The following SLC8B1 variants were observed in gnomAD, a reference collection of about 807,000 sequenced individuals.
SLC8B1 encodes the protein mitochondrial sodium/calcium exchanger protein.
In SLC8B1, 52 loss-of-function variants were observed where a neutral mutation model predicts 63.4. The ratio of observed to expected loss-of-function variants is 0.82; its 90% CI spans 0.66 to 1.03. The LOEUF is 1.03. Ranked by LOEUF, SLC8B1 falls within the 50% of genes least tolerant of loss-of-function variation. The pLI, the probability that SLC8B1 is intolerant of heterozygous loss-of-function variation, is 0.00. For synonymous variants in SLC8B1, 336 were observed against 323.9 expected (o/e 1.04, Z -0.40); for missense variants, 657 against 741.7 (o/e 0.89, Z 1.33).
chr12:113,311,353 G>A (rs1162536868), intron 11 of SLC8B1, among the ~76,000 whole-genome samples: 2 of 152,154 alleles, frequency 1.3e-5, no homozygotes, highest in African/African-American at 4.8e-5. Context: ...AGGAGGCTAA[G>A]GCAGGAGAAT....
rs1203811950 is a variant in SLC8B1 at position 113,299,368 on chromosome 12, G to A, written c.*409C>T. 4 of 228,744 alleles carry A rather than the reference G, an allele frequency of 1.7e-5. No homozygotes were observed. The South Asian group carries it at 2.7e-4, about 16-fold the overall frequency. The allele number at this position is 228,744 out of a possible 1,614,324, so 14.2% of individuals were successfully genotyped here. ...GGGCAGCCACTTGTGTCCTGAGAAG[G>A]TGCCAGAAGGCCTGAAGCCCAGGCA... is the stretch of plus-strand genomic sequence containing the variant. On this transcript the variant is annotated 3_prime_UTR_variant, in exon 16 of 16. Coordinates refer to ENST00000680972, the MANE Select transcript of SLC8B1 (RefSeq NM_001358345.2).
chr12:113,332,970 G>A lies in SLC8B1; in HGVS notation c.-82-10C>T. ...TGGCGGCTCCGGTGGCCTGCAAGGT[G>A]GGAGTGAGAAAGGGGGACAACATTA... On this transcript the variant is annotated splice_polypyrimidine_tract_variant and intron_variant, in intron 1 of 15. Transcript: ENST00000680972. 6.7e-7 allele frequency: 1 copy of A among 1,500,164 alleles called. No individual in the cohort carries two copies. The allele number at this position is 1,500,164 out of a possible 1,614,324, so 92.9% of individuals were successfully genotyped here.
rs1438089867 is a variant in SLC8B1, at chr12:113,299,812, T to C, written c.1720A>G (p.Thr574Ala). The change falls in exon 16 of 16, where the codon ACT (threonine) becomes GCT (alanine). Residue 574 changes from threonine to alanine, a missense_variant. Thr to Ala is a moderately conservative substitution (Grantham distance 58). Coordinates refer to ENST00000680972, the MANE Select transcript of SLC8B1 (RefSeq NM_001358345.2). ...YLNFLVVALL[T>A]EFGVIHLKSM The stretch of plus-strand genomic sequence containing the variant: ...TTCAGGTGAATCACTCCAAATTCAG[T>C]GAGGAGGGCCACGACAAGGAAGTTC... 1 of 1,613,858 alleles carries C rather than the reference T, an allele frequency of 6.2e-7. No individual in the cohort carries two copies. The highest frequency in any genetic ancestry group is 1.3e-5 in the African/African-American group (1 of 74,850).
intron 11 of SLC8B1, among the ~76,000 whole-genome samples, chr12:113,312,512 G>A (rs1329553691): frequency 6.6e-6 from 1 of 152,124 alleles, no homozygotes; most frequent in Non-Finnish European, 1.5e-5. Flanking sequence ...GGCTCTTGGG[G>A]GACGCCTAGA....
intron 2 of SLC8B1, among the ~76,000 whole-genome samples, chr12:113,324,401 C>A (rs1956970870): frequency 6.8e-6 from 1 of 148,074 alleles, no homozygotes; most frequent in Non-Finnish European, 1.5e-5. Context: ...CTCAGCTCTA[C>A]CTTTTTTTTT....
chr12:113,329,970 A>C (rs185842740), intron 2 of SLC8B1, among the ~76,000 whole-genome samples: 1 of 152,202 alleles, frequency 6.6e-6, no homozygotes, highest in Admixed American at 6.5e-5. Context: ...CTCCTGCCCC[A>C]GGGCCTTTGC....
chr12:113,320,638 C>T lies in SLC8B1; in HGVS notation c.469G>A (p.Ala157Thr). Residue 157 changes from alanine to threonine, a missense_variant, in exon 6 of 16, where the codon GCC becomes ACC. Physicochemically the swap from Ala to Thr is moderately conservative, Grantham distance 58. Transcript: ENST00000680972. This position sits in a 1 kb window ranked among gnomAD's most constrained non-coding sequence, Gnocchi z 5.3. ...TGCGGGTCAGAGAAGGCCACCAGGG[C>T]ACTGAAGATGTCAGGTGCACCATTC... The part of the protein sequence containing the change: ...FGNGAPDIFS[A>T]LVAFSDPHTA... The T allele has an allele frequency of 6.2e-7, 1 of 1,614,112 alleles. No individual in the cohort carries two copies. The highest frequency in any genetic ancestry group is 1.1e-5 in the South Asian group (1 of 91,088).
intron 12 of SLC8B1, 88 bp from the exon 13 acceptor site, chr12:113,307,932 C>G: frequency 6.8e-7 from 1 of 1,469,050 alleles, no homozygotes; most frequent in East Asian, 2.3e-5. Context: ...GGGATGATAA[C>G]AGTATCTACC....
intron 7 of SLC8B1, chr12:113,319,303 C>A: frequency 2.1e-6 from 1 of 470,464 alleles, no homozygotes; most frequent in Non-Finnish European, 3.9e-6. Flanking sequence ...CCAAGCACAG[C>A]GAGAGACCTC....
chr12:113,315,438 G>A lies in SLC8B1; in HGVS notation c.1032C>T (p.Val344=), dbSNP rs142442514. The A allele has an allele frequency of 5.4e-5, 87 of 1,602,486 alleles. No homozygotes were observed. The highest frequency in any genetic ancestry group is 6.7e-5 in the Non-Finnish European group (79 of 1,175,276). ...TCTGGTCATCCTTGTCCGGGTCCAC[G>A]ACGGGGACTGTGAGGAGCAGCAGGA... ...VEFLLLLTVP[V]VDPDKDDQNW... is the part of the protein sequence containing the mutation. Residue 344 remains valine (V), a synonymous_variant, in exon 11 of 16, where the codon GTC becomes GTT. Coordinates refer to ENST00000680972, the MANE Select transcript of SLC8B1 (RefSeq NM_001358345.2).
chr12:113,320,560 C>G lies in SLC8B1; in HGVS notation c.526+21G>C, dbSNP rs779944692. ...CCTCTCCTGCTGCTTTCCCCGCCCC[C>G]CTCACTGGGGCTGCTCTCACCAAAC... On this transcript the variant is annotated intron_variant, in intron 6 of 15. Transcript: ENST00000680972. This position sits in a 1 kb window ranked among gnomAD's most constrained non-coding sequence, Gnocchi z 5.3. The G allele has an allele frequency of 1.3e-5, 21 of 1,613,884 alleles. No individual in the cohort carries two copies. The South Asian group carries it at 2.0e-4, about 15-fold the overall frequency.
At position 113,307,676 on chromosome 12, in the gene SLC8B1, C is replaced by A; in HGVS notation, c.1411+15G>T. On this transcript the variant is annotated intron_variant, in intron 13 of 15. Transcript: ENST00000680972. ...CGCACTCACCCCCACTCAACCCCAC[C>A]CAGCCCTGAGTCACCTCCAATGCTG... 6.2e-7 allele frequency: 1 copy of A among 1,610,452 alleles called. No homozygotes were observed. The highest frequency in any genetic ancestry group is 8.5e-7 in the Non-Finnish European group (1 of 1,178,416).
intron 2 of SLC8B1, among the ~76,000 whole-genome samples, chr12:113,324,013 G>T (rs1209740450): frequency 6.6e-6 from 1 of 152,056 alleles, no homozygotes; most frequent in East Asian, 1.9e-4. Flanking sequence ...CATGCCAGCT[G>T]GGAAGATGAA....
intron 11 of SLC8B1, among the ~76,000 whole-genome samples, chr12:113,314,809 G>C (rs1177240812): frequency 6.6e-6 from 1 of 152,216 alleles, no homozygotes; most frequent in East Asian, 1.9e-4. Context: ...GGCTGGATTT[G>C]GCCCTGGGGT....
At position 113,332,846 on chromosome 12, in the gene SLC8B1, T is replaced by C. The variant is rs769741464; in HGVS notation, c.33A>G (p.Ala11=). 17 of 1,614,050 alleles carry C rather than the reference T, an allele frequency of 1.1e-5. No individual in the cohort carries two copies. The highest frequency in any genetic ancestry group is 6.7e-5 in the Admixed American group (4 of 60,004). The part of the protein sequence containing the change: MAGRRLNLRW[A]LSVLCVLLMA... ...TTAGCAGCACACAAAGCACACTCAG[T>C]GCCCAGCGCAGATTCAGCCTTCTGC... Residue 11 remains alanine (A), a synonymous_variant, in exon 2 of 16, where the codon GCA becomes GCG. Coordinates refer to ENST00000680972, the MANE Select transcript of SLC8B1 (RefSeq NM_001358345.2).
chr12:113,322,493 T>C (rs547273392), intron 2 of SLC8B1, among the ~76,000 whole-genome samples: 1 of 152,320 alleles, frequency 6.6e-6, no homozygotes, highest in African/African-American at 2.4e-5. Context: ...CACATGACTC[T>C]CTGAGCACAT....
At chr12:113,313,662 C>G (rs982748026) in intron 11 of SLC8B1, among the ~76,000 whole-genome samples, 5 of 151,202 alleles carry the variant, frequency 3.3e-5, no homozygotes, top group African/African-American at 1.2e-4. Flanking sequence ...AATTGCTTAC[C>G]CTAGAGGTGG....
At chr12:113,302,432 A>G (rs569986251) in intron 15 of SLC8B1, 17 of 280,520 alleles carry the variant, frequency 6.1e-5, no homozygotes, top group African/African-American at 3.1e-4. Flanking sequence ...GAGAGACTCA[A>G]TTTCTGCTGT....
intron 12 of SLC8B1, chr12:113,308,336 A>G (rs1776287385): frequency 6.6e-6 from 1 of 152,036 alleles, no homozygotes; most frequent in African/African-American, 2.4e-5. Context: ...ACTGAGTGAG[A>G]CTCTGTCTCG....
Sources: allele counts gnomAD v4.1 joint callset (sites outside exome capture counted in the v4.1 genomes callset), GRCh38; gene constraint gnomAD v4.1.1; non-coding constraint Gnocchi (gnomAD v3.1); transcripts MANE v1.5; gene names NCBI Gene and HGNC (gene_info 2026-07-23, HGNC 2026-07-21).